TLK2: variants seen among roughly 807,000 people sequenced by gnomAD.
TLK2 encodes the protein serine/threonine-protein kinase tousled-like 2.
Under a neutral mutation model 117.3 loss-of-function variants are expected in TLK2, and 6 were observed. The ratio of observed to expected loss-of-function variants is 0.05; its 90% CI spans 0.03 to 0.10. The LOEUF is 0.10. Ranked by LOEUF, TLK2 falls within the 10% of genes least tolerant of loss-of-function variation. TLK2 has a pLI of 1.00. For missense variants in TLK2, 299 were observed against 901.2 expected, an observed-to-expected ratio of 0.33 and a Z score of 8.56; for synonymous variants, 257 against 316.7, an observed-to-expected ratio of 0.81 and a Z score of 2.00.
In TLK2 at chr17:62,548,242, G is replaced by A. The variant is rs199556185; in HGVS notation, c.532-4060G>A. Among the ~76,000 whole-genome samples the A allele has an allele frequency of 1.3e-3, 166 of 125,568 alleles. 1 individual carries two copies. Among genetic ancestry groups the A allele is most frequent in the African/African-American group, 6.0e-3 (149 of 24,678 alleles). The allele number at this position is 125,568 out of a possible 152,430, so 82.4% of individuals were successfully genotyped here. A position where few individuals can be genotyped will look rare whatever the true frequency, so the allele number is the denominator to read the frequency against. On this transcript the variant is annotated intron_variant, in intron 7 of 21. Transcript: ENST00000346027. Reference sequence around the variant, plus strand: ...ATCATTGGGCCATATATATATATATGTGTGTGTGTGTGTGTGTGTGTGTGT... The same window carrying A: ...ATCATTGGGCCATATATATATATATATGTGTGTGTGTGTGTGTGTGTGTGT...
At chr17:62,525,711 A>G (rs2076328874) in intron 6 of TLK2, among the ~76,000 whole-genome samples, 1 of 152,016 alleles carries the variant, frequency 6.6e-6, no homozygotes, top group Non-Finnish European at 1.5e-5. Context: ...CCACCTCCCA[A>G]AGTGTTGAGA....
chr17:62,576,853 G>T, intron 13 of TLK2, 78 bp downstream of exon 13: 1 of 1,141,264 alleles, frequency 8.8e-7, no homozygotes. Flanking sequence ...TTGGTCATTT[G>T]GGTGAATGTA....
At chr17:62,498,974 C>T (rs1489279725) in intron 2 of TLK2, among the ~76,000 whole-genome samples, 1 of 152,120 alleles carries the variant, frequency 6.6e-6, no homozygotes, top group Non-Finnish European at 1.5e-5. Context: ...GAGACCCTCC[C>T]ACCTCAGCCT....
intron 7 of TLK2, among the ~76,000 whole-genome samples, chr17:62,545,756 G>T (rs1365367131): frequency 6.6e-6 from 1 of 152,170 alleles, no homozygotes; most frequent in Non-Finnish European, 1.5e-5. Context: ...CTGTTGGAGT[G>T]CAGTGGCCTA....
At chr17:62,561,459 G>A (rs1007023392) in intron 10 of TLK2, among the ~76,000 whole-genome samples, 3 of 152,216 alleles carry the variant, frequency 2.0e-5, no homozygotes, top group African/African-American at 4.8e-5. Flanking sequence ...TGATCCACCC[G>A]TCTCGGCCTC....
intron 16 of TLK2, among the ~76,000 whole-genome samples, chr17:62,591,550 G>GTTCTA (rs2082085491): frequency 6.6e-6 from 1 of 152,244 alleles, no homozygotes; most frequent in South Asian, 2.1e-4. Flanking sequence ...GGTAGTGTGT[G>GTTCTA]TTCTAACACC....
At chr17:62,532,201 C>T (rs1468122496) in intron 6 of TLK2, among the ~76,000 whole-genome samples, 1 of 151,906 alleles carries the variant, frequency 6.6e-6, no homozygotes, top group African/African-American at 2.4e-5. Flanking sequence ...TGTTGTTCGC[C>T]CATATTTTAT....
At chr17:62,487,973 CTT>C (rs1027219771) in intron 2 of TLK2, among the ~76,000 whole-genome samples, 26 of 151,408 alleles carry the variant, frequency 1.7e-4, no homozygotes, top group Non-Finnish European at 3.1e-4. Context: ...GAGTTTCACT[CTT>C]GTCGCCCAGG....
intron 2 of TLK2, among the ~76,000 whole-genome samples, chr17:62,495,475 C>T (rs555545621): frequency 1.3e-5 from 2 of 151,274 alleles, no homozygotes; most frequent in South Asian, 2.1e-4. Context: ...AGTGCAGTGG[C>T]GCAGTCTTGG....
chr17:62,491,153 A>G (rs974657711), intron 2 of TLK2, among the ~76,000 whole-genome samples: 10 of 152,160 alleles, frequency 6.6e-5, no homozygotes, highest in African/African-American at 2.4e-4. Flanking sequence ...AGTGTGTGTG[A>G]ACTCTTGTGT....
intron 10 of TLK2, among the ~76,000 whole-genome samples, chr17:62,561,503 C>T (rs2079273434): frequency 6.6e-6 from 1 of 152,220 alleles, no homozygotes; most frequent in African/African-American, 2.4e-5. Flanking sequence ...CTCACCACTG[C>T]GCCCAGCCTA....
chr17:62,596,448 A>T, intron 16 of TLK2, 137 bp from the exon 17 acceptor site: 1 of 633,030 alleles, frequency 1.6e-6, no homozygotes, highest in South Asian at 2.1e-5. Context: ...GAAAAGTCAG[A>T]TGAGGGACCA....
chr17:62,485,383 T>C (rs996313196), intron 2 of TLK2, among the ~76,000 whole-genome samples: 5 of 152,192 alleles, frequency 3.3e-5, no homozygotes, highest in Non-Finnish European at 7.3e-5. Flanking sequence ...ACCTGCAAAT[T>C]AGATATACAC....
rs1300505074 is a variant in TLK2 at position 62,600,635 on chromosome 17, G to A, written c.1551-16G>A. On this transcript the variant is annotated splice_polypyrimidine_tract_variant and intron_variant, in intron 17 of 21. Transcript: ENST00000346027. Reference sequence around the variant, plus strand: ...GCTCTTATTCCATGGTTAAATATTGGTTTATTTGTCTTTAGGTTTTGTACA... The same window carrying A: ...GCTCTTATTCCATGGTTAAATATTGATTTATTTGTCTTTAGGTTTTGTACA... 6.3e-7 allele frequency: 1 copy of A among 1,584,136 alleles called. No individual in the cohort carries two copies. Among genetic ancestry groups the A allele is most frequent in the Non-Finnish European group, 8.6e-7 (1 of 1,168,510 alleles).
intron 9 of TLK2, among the ~76,000 whole-genome samples, chr17:62,557,865 T>C (rs1598574097): frequency 6.6e-6 from 1 of 152,364 alleles, no homozygotes; most frequent in African/African-American, 2.4e-5. Context: ...ATAAGCAATA[T>C]GTTTCCTTCA....
chr17:62,474,102 C>A (rs541844594), upstream of TLK2, among the ~76,000 whole-genome samples: 10 of 152,008 alleles, frequency 6.6e-5, no homozygotes, highest in South Asian at 2.1e-3. Flanking sequence ...TTTTTGAGAC[C>A]GAGTCTCGCT....
At position 62,602,026 on chromosome 17, in the gene TLK2, G is replaced by A; in HGVS notation, c.1721-16G>A. 6.2e-7 allele frequency: 1 copy of A among 1,606,236 alleles called. No individual in the cohort carries two copies. The highest frequency in any genetic ancestry group is 8.5e-7 in the Non-Finnish European group (1 of 1,177,348). ...CAGTAAGTCTCTGCTTATTCATGAA[G>A]GTTTTTATTTTTTAGGTAATATTCT... is the stretch of plus-strand genomic sequence containing the variant. On this transcript the variant is annotated splice_polypyrimidine_tract_variant and intron_variant, in intron 18 of 21. Coordinates refer to ENST00000346027, the MANE Select transcript of TLK2 (RefSeq NM_006852.6).
chr17:62,480,713 C>G (rs2071538994), intron 1 of TLK2, among the ~76,000 whole-genome samples: 1 of 152,210 alleles, frequency 6.6e-6, no homozygotes, highest in African/African-American at 2.4e-5. Context: ...TTAAGGACTA[C>G]TTCCTGAGTG....
At chr17:62,511,767 C>T (rs1476829273) in intron 2 of TLK2, among the ~76,000 whole-genome samples, 1 of 152,148 alleles carries the variant, frequency 6.6e-6, no homozygotes, top group East Asian at 1.9e-4. Context: ...TATTGCTGTG[C>T]AGTGTTCCAT....
Sources: gnomAD v4.1 joint callset for allele counts (sites outside exome capture counted in the v4.1 genomes callset) on GRCh38, gnomAD v4.1.1 for gene constraint, MANE v1.5 for transcripts, NCBI Gene and HGNC (gene_info 2026-07-23, HGNC 2026-07-21) for gene names.